PTPRA: variants seen among roughly 807,000 people sequenced by gnomAD.
PTPRA encodes receptor-type tyrosine-protein phosphatase alpha.
Under a neutral mutation model 104.8 loss-of-function variants are expected in PTPRA, and 25 were observed. The observed-to-expected ratio is 0.24, with a 90% CI of 0.17 to 0.33. The LOEUF (loss-of-function observed/expected upper bound fraction) is 0.33. PTPRA is among the 10% of genes least tolerant of loss of function. The probability of loss-of-function intolerance (pLI) is 1.00; values close to 1 mark genes in which losing one functional copy is unlikely to be tolerated. For missense variants in PTPRA, 765 were observed against 1,015.3 expected (o/e 0.75, Z 3.35); for synonymous variants, 323 against 368.9 (o/e 0.88, Z 1.43).
At chr20:2,910,099 CATATATATAATATATGAT>C (rs2059613602) in intron 1 of PTPRA, among the ~76,000 whole-genome samples, 2 of 117,080 alleles carry the variant, frequency 1.7e-5, no homozygotes, top group Non-Finnish European at 3.3e-5. Flanking sequence ...TGATATATAA[CATATATATAATATATGAT>C]GTATAGTATA....
intron 6 of PTPRA, among the ~76,000 whole-genome samples, chr20:2,983,534 G>A (rs2062774726): frequency 6.9e-6 from 1 of 145,046 alleles, no homozygotes. Context: ...AGAGGATGGA[G>A]GTTGGGACTA....
intron 1 of PTPRA, among the ~76,000 whole-genome samples, chr20:2,910,588 TGTTTTTTTTTTGTTTTTTTTAA>T (rs2059675746): frequency 2.2e-5 from 2 of 92,742 alleles, no homozygotes; most frequent in East Asian, 3.7e-4. Flanking sequence ...GTTTTTTTTT[TGTTTTTTTTTTGTTTTTTTTAA>T]TTTTTTTTTT....
At chr20:3,024,751 C>T (rs1266899891) in intron 17 of PTPRA, 130 bp downstream of exon 17, 11 of 1,124,246 alleles carry the variant, frequency 9.8e-6, no homozygotes, top group Non-Finnish European at 1.4e-5. Context: ...AGGAGATGGT[C>T]CTTTCCTCGT....
In PTPRA at chr20:2,927,150, C is replaced by T. The variant is rs909543184; in HGVS notation, c.-50+3865C>T. 3.3e-5 allele frequency among the ~76,000 whole-genome samples: 5 copies of T among 151,958 alleles called. No individual in the cohort carries two copies. The South Asian group carries it at 6.2e-4, about 19-fold the overall frequency. On this transcript the variant is annotated intron_variant, in intron 2 of 23. Transcript: ENST00000399903. ...CTGTTGGATCTCCTGACCTCATGAT[C>T]GCCCTCCTCAGCCTCCCAAAGTGCT... is the stretch of plus-strand genomic sequence containing the variant.
At position 2,974,949 on chromosome 20, in the gene PTPRA, CAT is replaced by C. The variant is rs1273525931; in HGVS notation, c.416-264_416-263del. Among the ~76,000 whole-genome samples the C allele has an allele frequency of 3.3e-5, 5 of 152,184 alleles. 1 individual carries two copies. The highest frequency in any genetic ancestry group is 7.4e-5 in the Non-Finnish European group (5 of 68,026). Reference sequence around the variant, plus strand: ...TCTTGAATTTTAATGGAGCAAAAGACATAAAGTCCTCTAATAACATGCGTTCT... The same window carrying C: ...TCTTGAATTTTAATGGAGCAAAAGACAAAGTCCTCTAATAACATGCGTTCT... On this transcript the variant is annotated intron_variant, in intron 5 of 23. Transcript: ENST00000399903.
chr20:2,870,018 C>A (rs377124139), upstream of PTPRA, among the ~76,000 whole-genome samples: 28 of 151,564 alleles, frequency 1.8e-4, no homozygotes, highest in East Asian at 1.4e-3. Flanking sequence ...TACAACTCAC[C>A]TTCTCAGGGT....
chr20:2,910,610 A>ATT (rs1352753968), intron 1 of PTPRA, among the ~76,000 whole-genome samples: 14 of 45,376 alleles, frequency 3.1e-4, no homozygotes, highest in Non-Finnish European at 4.0e-4. Flanking sequence ...GTTTTTTTTA[A>ATT]TTTTTTTTTT....
intron 9 of PTPRA, among the ~76,000 whole-genome samples, chr20:2,992,474 G>A (rs1258011858): frequency 2.0e-5 from 3 of 152,074 alleles, no homozygotes; most frequent in African/African-American, 2.4e-5. Context: ...CCGAGACCAC[G>A]CCATTGCACT....
chr20:3,024,767 G>A (rs568235), intron 17 of PTPRA, 146 bp downstream of exon 17: 504,064 of 932,518 alleles, frequency 0.54, 144,963 homozygotes, highest in African/African-American at 0.85. Context: ...CTCGTACTCT[G>A]GTAACTCTCA....
At position 2,993,035 on chromosome 20, in the gene PTPRA, G is replaced by T. The variant is rs149095867; in HGVS notation, c.738+4561G>T. ...GGAGTTTGAGGCTGCAGTGAGCTGT[G>T]ATTGCACCACTGCACTGCAGCCTGT... On this transcript the variant is annotated intron_variant, in intron 9 of 23. Coordinates refer to ENST00000399903, the MANE Select transcript of PTPRA (RefSeq NM_001385305.1). 4.3e-3 allele frequency among the ~76,000 whole-genome samples: 654 copies of T among 152,320 alleles called. 8 individuals carry two copies. Among genetic ancestry groups the T allele is most frequent in the African/African-American group, 0.015 (620 of 41,558 alleles).
At chr20:2,944,033 A>G (rs1488450860) in intron 2 of PTPRA, among the ~76,000 whole-genome samples, 1 of 145,562 alleles carries the variant, frequency 6.9e-6, no homozygotes, top group East Asian at 2.0e-4. Context: ...TGGTTCCTCT[A>G]CTGGTCTTTT....
chr20:2,949,206 G>C lies in PTPRA; in HGVS notation c.-7+1182G>C, dbSNP rs544289224. 6.2e-4 allele frequency among the ~76,000 whole-genome samples: 94 copies of C among 151,744 alleles called. 1 individual carries two copies. Among genetic ancestry groups the C allele is most frequent in the African/African-American group, 2.2e-3 (89 of 41,376 alleles). On this transcript the variant is annotated intron_variant, in intron 3 of 23. Transcript: ENST00000399903. Reference sequence around the variant, plus strand: ...GACCCTTTCTTGAGTGCAAATCAGTGGCTATTTTTGCTAGGGTATAAAAAT... The same window carrying C: ...GACCCTTTCTTGAGTGCAAATCAGTCGCTATTTTTGCTAGGGTATAAAAAT...
Position 3,022,821 on chromosome 20 carries a change from C to T in PTPRA, c.1461C>T (p.Thr487=), listed in dbSNP as rs1428535748. 9 of 1,614,028 alleles carry T rather than the reference C, an allele frequency of 5.6e-6. No individual in the cohort carries two copies. The highest frequency in any genetic ancestry group is 5.3e-5 in the African/African-American group (4 of 74,918). The change falls in exon 16 of 24, where the codon ACC becomes ACT. Residue 487 remains threonine (T), a synonymous_variant. Coordinates refer to ENST00000399903, the MANE Select transcript of PTPRA (RefSeq NM_001385305.1). This position sits in a 1 kb window ranked among gnomAD's most constrained non-coding sequence, Gnocchi z 4.6. ...IRAQRCQMVQ[T]DMQYVFIYQA... Reference sequence around the variant, plus strand: ...CACAGCGCTGCCAGATGGTGCAAACCGATGTGAGTGATCTGTGGGTCAGGT... The same window carrying T: ...CACAGCGCTGCCAGATGGTGCAAACTGATGTGAGTGATCTGTGGGTCAGGT...
chr20:2,887,522 G>C (rs1469121247), intron 1 of PTPRA, among the ~76,000 whole-genome samples: 6 of 152,126 alleles, frequency 3.9e-5, no homozygotes, highest in Non-Finnish European at 7.3e-5. Flanking sequence ...AGAGGCATTA[G>C]GGTTCTAGAT....
At chr20:3,018,744 C>A (rs2064614190) in intron 13 of PTPRA, among the ~76,000 whole-genome samples, 1 of 151,216 alleles carries the variant, frequency 6.6e-6, no homozygotes, top group South Asian at 2.1e-4. Context: ...GCTGGGCACA[C>A]CTCCCAGACG....
intron 9 of PTPRA, among the ~76,000 whole-genome samples, chr20:3,003,258 G>T (rs1423710000): frequency 6.6e-6 from 1 of 152,108 alleles, no homozygotes; most frequent in African/African-American, 2.4e-5. Context: ...CCAGTGCCTG[G>T]TAGGTACAAA....
chr20:2,917,092 G>C (rs968791978), intron 1 of PTPRA, among the ~76,000 whole-genome samples: 2 of 151,352 alleles, frequency 1.3e-5, no homozygotes, highest in African/African-American at 4.9e-5. Context: ...CGAGTAGCTG[G>C]GATTACAGGC....
At chr20:2,932,663 G>T (rs556447284) in intron 2 of PTPRA, among the ~76,000 whole-genome samples, 10 of 152,292 alleles carry the variant, frequency 6.6e-5, no homozygotes, top group African/African-American at 2.4e-4. Context: ...AGGGAGCTTG[G>T]GCTGCTGTGC....
intron 9 of PTPRA, 97 bp from the exon 10 acceptor site, chr20:3,004,959 G>T: frequency 9.1e-7 from 1 of 1,098,124 alleles, no homozygotes; most frequent in Non-Finnish European, 1.4e-6. Flanking sequence ...CCCAGGAAAA[G>T]GTAGAACATG....
Sources: gnomAD v4.1 joint callset for allele counts (sites outside exome capture counted in the v4.1 genomes callset) on GRCh38, gnomAD v4.1.1 for gene constraint, Gnocchi (gnomAD v3.1) non-coding constraint, MANE v1.5 for transcripts, NCBI Gene and HGNC (gene_info 2026-07-23, HGNC 2026-07-21) for gene names.